Variants in RBFOX1 observed in about 807,000 individuals in gnomAD.
The protein encoded by RBFOX1 is RNA binding protein fox-1 homolog 1.
In RBFOX1, 8 loss-of-function variants were observed where a neutral mutation model predicts 57.7. The ratio of observed to expected loss-of-function variants is 0.14; its 90% confidence interval spans 0.08 to 0.25. The LOEUF (loss-of-function observed/expected upper bound fraction) is 0.25, where lower values mean the gene tolerates loss of function less well. RBFOX1 is among the 10% of genes least tolerant of loss of function. RBFOX1 has a pLI of 1.00. For missense variants in RBFOX1, 611 were observed against 548.5 expected (o/e 1.11, Z -1.14); for synonymous variants, 326 against 222.4 (o/e 1.47, Z -4.15).
At chr16:6,612,863 A>AAAAGTAAT (rs59339311) in intron 2 of RBFOX1, among the ~76,000 whole-genome samples, 1 of 132,242 alleles carries the variant, frequency 7.6e-6, no homozygotes, top group Non-Finnish European at 1.6e-5. Context: ...AAAAAAAAAA[A>AAAAGTAAT]AATAATAATA....
chr16:7,594,204 G>A (rs1229849202), intron 7 of RBFOX1, among the ~76,000 whole-genome samples: 1 of 151,628 alleles, frequency 6.6e-6, no homozygotes, highest in Admixed American at 6.6e-5. Context: ...TAAATTTGGA[G>A]GTGATTATAG....
At chr16:6,537,155 A>G (rs908992455) in intron 2 of RBFOX1, among the ~76,000 whole-genome samples, 21 of 151,820 alleles carry the variant, frequency 1.4e-4, no homozygotes, top group Admixed American at 7.2e-4. Context: ...CTTTCCAGGA[A>G]TCTTCCTACA....
At chr16:6,122,524 C>T (rs1384696809) in intron 1 of RBFOX1, among the ~76,000 whole-genome samples, 1 of 152,016 alleles carries the variant, frequency 6.6e-6, no homozygotes, top group African/African-American at 2.4e-5. Flanking sequence ...GACATAATAC[C>T]CTGCCATGGA....
rs572371879 is a variant in RBFOX1 at position 5,659,054 on chromosome 16, C to G, written c.318+60093C>G. 5.3e-5 allele frequency among the ~76,000 whole-genome samples: 8 copies of G among 151,892 alleles called. No homozygotes were observed. The South Asian group carries it at 1.7e-3, about 31-fold the overall frequency. ...GGGATTGCTGGATCAAATGGTAGAT[C>G]TGCTTTTAGTTCTTTAAGGAATCTC... is the stretch of plus-strand genomic sequence containing the variant. On this transcript the variant is annotated intron_variant, in intron 3 of 19. Coordinates refer to the RBFOX1 transcript ENST00000641259.
At chr16:5,728,039 C>A (rs1379751204) in intron 3 of RBFOX1, among the ~76,000 whole-genome samples, 1 of 152,182 alleles carries the variant, frequency 6.6e-6, no homozygotes, top group South Asian at 2.1e-4. Flanking sequence ...TATAAGTGAG[C>A]TTTGGTAGTA....
chr16:7,244,349 C>T (rs1002798609), intron 4 of RBFOX1, among the ~76,000 whole-genome samples: 2 of 151,072 alleles, frequency 1.3e-5, no homozygotes, highest in Non-Finnish European at 2.9e-5. Context: ...CTTTGAGCAA[C>T]TTCTTCAAAC....
At chr16:7,429,091 C>A (rs183380815) in intron 4 of RBFOX1, among the ~76,000 whole-genome samples, 63 of 152,270 alleles carry the variant, frequency 4.1e-4, no homozygotes, top group African/African-American at 1.5e-3. Context: ...GGAGAGGACC[C>A]GACTCCAGAG....
Position 6,990,556 on chromosome 16 carries a change from T to C in RBFOX1, c.-15-61501T>C, listed in dbSNP as rs147923025. Reference sequence around the variant, plus strand: ...AATAAAAATTCTGTTAGTATTCACATAGAAGGATGATACTGTGTCCCATAA... The same window carrying C: ...AATAAAAATTCTGTTAGTATTCACACAGAAGGATGATACTGTGTCCCATAA... On this transcript the variant is annotated intron_variant, in intron 3 of 15. Transcript: ENST00000550418. Among the ~76,000 whole-genome samples the C allele has an allele frequency of 2.9e-3, 443 of 152,148 alleles. 2 individuals carry two copies. The highest frequency in any genetic ancestry group is 6.8e-3 in the Middle Eastern group (2 of 294).
chr16:7,379,313 A>G (rs1197704842), intron 4 of RBFOX1, among the ~76,000 whole-genome samples: 1 of 152,216 alleles, frequency 6.6e-6, no homozygotes. Flanking sequence ...TCTTATTTTT[A>G]GACTGTTTTA....
intron 14 of RBFOX1, among the ~76,000 whole-genome samples, chr16:7,702,972 T>C (rs1431439614): frequency 2.0e-5 from 3 of 152,186 alleles, no homozygotes; most frequent in African/African-American, 7.2e-5. Flanking sequence ...CCTTCTTACC[T>C]GGTGCCCCAG....
intron 4 of RBFOX1, among the ~76,000 whole-genome samples, chr16:7,218,949 C>G (rs1039017990): frequency 6.6e-6 from 1 of 152,078 alleles, no homozygotes; most frequent in Non-Finnish European, 1.5e-5. Context: ...TGGTCTGTGC[C>G]TAGCAGAGCT....
chr16:6,871,871 A>C (rs945788653), intron 3 of RBFOX1, among the ~76,000 whole-genome samples: 2 of 148,900 alleles, frequency 1.3e-5, no homozygotes, highest in African/African-American at 5.0e-5. Context: ...ATCTGATGGC[A>C]CTTTGTCACA....
chr16:5,897,016 C>CTTTTTTTTTTTTTTTT lies in RBFOX1; in HGVS notation c.351+29696_351+29711dup, dbSNP rs575235024. Reference sequence around the variant, plus strand: ...CCCCCACTAAAAATGTATCCATCCGCTTTTTTTTTTTTTTTTTTTTTTTTT... The same window carrying CTTTTTTTTTTTTTTTT: ...CCCCCACTAAAAATGTATCCATCCGCTTTTTTTTTTTTTTTTTTTTTTTTTTTTTTTTTTTTTTTTT... On this transcript the variant is annotated intron_variant, in intron 4 of 19. Transcript: ENST00000641259. 1.8e-3 allele frequency among the ~76,000 whole-genome samples: 104 copies of CTTTTTTTTTTTTTTTT among 56,468 alleles called. 16 individuals are homozygous for CTTTTTTTTTTTTTTTT. The highest frequency in any genetic ancestry group is 0.011 in the East Asian group (17 of 1,506). 37.0% of individuals were successfully genotyped at this position (56,468 alleles called of 152,430 possible).
chr16:6,986,257 A>G lies in RBFOX1; in HGVS notation c.-15-65800A>G, dbSNP rs556669079. On this transcript the variant is annotated intron_variant, in intron 3 of 15. Coordinates refer to ENST00000550418, the MANE Select transcript of RBFOX1 (RefSeq NM_018723.4). ...GGTCTGTCACCCAGGCTGGAGTGCA[A>G]TGGCATGATCTTGGCTCACTGCAAC... Among the ~76,000 whole-genome samples, 19 of 151,084 alleles carry G rather than the reference A, an allele frequency of 1.3e-4. No homozygotes were observed. In the South Asian group the frequency reaches 2.9e-3, roughly 23 times the overall value.
intron 1 of RBFOX1, among the ~76,000 whole-genome samples, chr16:6,088,948 T>C (rs2096128848): frequency 2.6e-5 from 4 of 151,610 alleles, no homozygotes; most frequent in African/African-American, 9.7e-5. Flanking sequence ...TACAAAAAAT[T>C]AGCTGGGTGT....
chr16:6,323,599 AC>A (rs1356207124), intron 2 of RBFOX1, among the ~76,000 whole-genome samples: 1 of 152,184 alleles, frequency 6.6e-6, no homozygotes, highest in African/African-American at 2.4e-5. Context: ...CAACCCCCAT[AC>A]CCCCAATCTA....
At chr16:5,492,720 C>T (rs1211295611) in intron 2 of RBFOX1, among the ~76,000 whole-genome samples, 6 of 152,154 alleles carry the variant, frequency 3.9e-5, no homozygotes, top group African/African-American at 9.7e-5. Context: ...GTGCAAGATC[C>T]GTCAGTGCCC....
intron 14 of RBFOX1, among the ~76,000 whole-genome samples, chr16:7,677,700 C>T (rs1335491661): frequency 1.3e-5 from 2 of 152,208 alleles, no homozygotes; most frequent in Non-Finnish European, 2.9e-5. Context: ...AGATGCTCTG[C>T]ATGCACAAAT....
chr16:7,254,813 A>C (rs2094613299), intron 4 of RBFOX1, among the ~76,000 whole-genome samples: 1 of 152,202 alleles, frequency 6.6e-6, no homozygotes, highest in Non-Finnish European at 1.5e-5. Context: ...TACAATGATG[A>C]ACAAGAAGAA....
Sources: gnomAD v4.1 joint callset for allele counts (sites outside exome capture counted in the v4.1 genomes callset) on GRCh38, gnomAD v4.1.1 for gene constraint, MANE v1.5 for transcripts, NCBI Gene and HGNC (gene_info 2026-07-23, HGNC 2026-07-21) for gene names.